Variants in MYO18B observed in about 807,000 individuals in gnomAD.
The protein encoded by MYO18B is myosin XVIIIB, also known as unconventional myosin-XVIIIb.
In MYO18B, 204 loss-of-function variants were observed where a neutral mutation model predicts 273.0. The observed-to-expected ratio is 0.75, with a 90% CI of 0.67 to 0.84. The LOEUF (loss-of-function observed/expected upper bound fraction) is 0.84, where lower values mean the gene tolerates loss of function less well. Ranked by LOEUF, MYO18B falls within the 40% of genes least tolerant of loss-of-function variation. The probability of loss-of-function intolerance (pLI) is 0.00; values close to 1 mark genes in which losing one functional copy is unlikely to be tolerated. For missense variants in MYO18B, 3,212 were observed against 3,287.6 expected (o/e 0.98, Z 0.56); for synonymous variants, 1,330 against 1,305.7 (o/e 1.02, Z -0.40).
chr22:25,892,213 A>G (rs2091679766), intron 27 of MYO18B: 1 of 152,212 alleles, frequency 6.6e-6, no homozygotes, highest in Non-Finnish European at 1.5e-5. Flanking sequence ...ATGAATAGCT[A>G]ATAGCTACTT....
At chr22:25,835,274 T>C (rs776892171) in intron 16 of MYO18B, 22 bp from the exon 17 acceptor site, 1 of 1,610,438 alleles carries the variant, frequency 6.2e-7, no homozygotes, top group South Asian at 1.1e-5. Context: ...GGCCCTTCAG[T>C]GAATCCTGGT....
intron 41 of MYO18B, among the ~76,000 whole-genome samples, chr22:26,004,351 C>A (rs1934244596): frequency 6.6e-6 from 1 of 152,142 alleles, no homozygotes; most frequent in Non-Finnish European, 1.5e-5. Context: ...ACATCAAATT[C>A]AATGCCAAAC....
chr22:25,942,640 G>T (rs1377726827), intron 34 of MYO18B, among the ~76,000 whole-genome samples: 1 of 152,134 alleles, frequency 6.6e-6, no homozygotes, highest in African/African-American at 2.4e-5. Flanking sequence ...CTCAGAGTCC[G>T]CCTTTATCAA....
At chr22:26,057,303 G>A in the MYO18B span, among the ~76,000 whole-genome samples, 1 of 152,014 alleles carries the variant, frequency 6.6e-6, no homozygotes, top group African/African-American at 2.4e-5. Context: ...AAAGATAAGT[G>A]GCCTGTCTCA....
intron 14 of MYO18B, among the ~76,000 whole-genome samples, chr22:25,827,224 A>G (rs1447788495): frequency 6.6e-6 from 1 of 152,166 alleles, no homozygotes; most frequent in Non-Finnish European, 1.5e-5. Context: ...ACAGAGGAGG[A>G]GACTAAAGCT....
At chr22:25,840,303 C>T (rs568131801) in intron 17 of MYO18B, among the ~76,000 whole-genome samples, 1 of 152,372 alleles carries the variant, frequency 6.6e-6, no homozygotes, top group Non-Finnish European at 1.5e-5. Flanking sequence ...ATGCACATTC[C>T]CACCTCTGGG....
At chr22:26,063,067 C>G in the MYO18B span, among the ~76,000 whole-genome samples, 1 of 152,134 alleles carries the variant, frequency 6.6e-6, no homozygotes, top group South Asian at 2.1e-4. Context: ...CTACATGTGC[C>G]CTAAATTTCC....
intron 39 of MYO18B, among the ~76,000 whole-genome samples, chr22:25,968,782 CACTT>C (rs1387719139): frequency 1.3e-5 from 2 of 152,286 alleles, no homozygotes; most frequent in Non-Finnish European, 2.9e-5. Flanking sequence ...TTGCTGGACT[CACTT>C]TCTCTCTCTG....
intron 11 of MYO18B, among the ~76,000 whole-genome samples, chr22:25,790,021 C>T (rs3859872): frequency 0.56 from 85,596 of 151,976 alleles, 26,769 homozygotes; most frequent in Non-Finnish European, 0.71. Context: ...GACGTGGTGG[C>T]GGGTGCCTGT....
intron 17 of MYO18B, among the ~76,000 whole-genome samples, 178 bp downstream of exon 17, chr22:25,835,621 G>A (rs1601841050): frequency 6.6e-6 from 1 of 152,234 alleles, no homozygotes; most frequent in African/African-American, 2.4e-5. Context: ...AACGCATTGA[G>A]CAGCCACTAT....
rs1027173411 is a variant in MYO18B at position 26,027,269 on chromosome 22, A to G, written c.7295A>G (p.Asp2432Gly). The G allele has an allele frequency of 6.2e-7, 1 of 1,614,014 alleles. No homozygotes were observed. The change falls in exon 43 of 44, where the codon GAC becomes GGC. Residue 2432 changes from aspartate to glycine, a missense_variant. By Grantham distance (94) the Asp-to-Gly change is moderately conservative. Transcript: ENST00000335473. The surrounding 1 kb of genome is among the most constrained non-coding windows in gnomAD (Gnocchi z 4.1). ...DPFSWKLPSL[D>G]YERKTKVDFD... The stretch of plus-strand genomic sequence containing the variant: ...TTCAGCTGGAAACTCCCAAGCCTCG[A>G]CTACGAACGCAAGACCAAAGTGGAC...
chr22:25,747,967 T>A (rs766096239), intron 1 of MYO18B, among the ~76,000 whole-genome samples: 4 of 152,194 alleles, frequency 2.6e-5, no homozygotes. Context: ...CCAGGGCTGC[T>A]GTGGACCCAT....
chr22:25,764,010 A>T (rs1304567223), intron 3 of MYO18B, among the ~76,000 whole-genome samples: 1 of 152,166 alleles, frequency 6.6e-6, no homozygotes, highest in Non-Finnish European at 1.5e-5. Context: ...TGGCCCCCCA[A>T]GTGCCCTCAG....
At chr22:25,983,146 A>T (rs1202395921) in intron 39 of MYO18B, among the ~76,000 whole-genome samples, 1 of 152,102 alleles carries the variant, frequency 6.6e-6, no homozygotes, top group Non-Finnish European at 1.5e-5. Context: ...AGATGGGAGG[A>T]TCACTTGAGG....
rs569166490 is a variant in MYO18B at position 25,853,132 on chromosome 22, A to G, written c.3885+1553A>G. 8.5e-5 allele frequency among the ~76,000 whole-genome samples: 13 copies of G among 152,312 alleles called. No individual in the cohort carries two copies. In the East Asian group the frequency reaches 2.5e-3, roughly 29 times the overall value. ...TCAATATACATTAACCACCATCATC[A>G]ACATCAGCAGCAGCACCATCAATAT... On this transcript the variant is annotated intron_variant, in intron 21 of 43. Transcript: ENST00000335473.
chr22:25,777,910 G>C (rs1002533687), intron 8 of MYO18B, 129 bp downstream of exon 8: 1 of 849,626 alleles, frequency 1.2e-6, no homozygotes, highest in South Asian at 2.4e-5. Context: ...CAGACCCCAT[G>C]CTTGCTACTG....
intron 12 of MYO18B, among the ~76,000 whole-genome samples, chr22:25,811,007 T>A (rs2088726307): frequency 6.6e-6 from 1 of 152,088 alleles, no homozygotes; most frequent in African/African-American, 2.4e-5. Flanking sequence ...TTTGTTTTTT[T>A]CTTAAACTTT....
intron 1 of MYO18B, among the ~76,000 whole-genome samples, chr22:25,756,939 T>G (rs1229062430): frequency 1.3e-5 from 2 of 152,104 alleles, no homozygotes; most frequent in Non-Finnish European, 2.9e-5. Flanking sequence ...CATGTGCCTG[T>G]AATCCCAGCT....
intron 39 of MYO18B, among the ~76,000 whole-genome samples, chr22:25,973,548 T>C (rs1380151910): frequency 6.6e-6 from 1 of 152,202 alleles, no homozygotes; most frequent in African/African-American, 2.4e-5. Flanking sequence ...TACCCTAGGA[T>C]GGTGTTGTCA....
Sources: allele counts gnomAD v4.1 joint callset (sites outside exome capture counted in the v4.1 genomes callset), GRCh38; gene constraint gnomAD v4.1.1; non-coding constraint Gnocchi (gnomAD v3.1); transcripts MANE v1.5; gene names NCBI Gene and HGNC (gene_info 2026-07-23, HGNC 2026-07-21).